Variants in SYT1 observed in about 807,000 individuals in gnomAD.
SYT1 encodes the protein synaptotagmin 1.
Under a neutral mutation model 44.8 loss-of-function variants are expected in SYT1, and 8 were observed. That is an observed-to-expected ratio of 0.18 (90% CI 0.10 to 0.32). SYT1 has a LOEUF of 0.32. Ranked by LOEUF, SYT1 falls within the 10% of genes least tolerant of loss-of-function variation. SYT1 has a pLI of 1.00. For missense variants in SYT1, 286 were observed against 509.3 expected (o/e 0.56, Z 4.22); for synonymous variants, 154 against 188.8 (o/e 0.82, Z 1.51).
chr12:79,009,648 A>G (rs1475372418), intron 2 of SYT1, among the ~76,000 whole-genome samples: 1 of 152,170 alleles, frequency 6.6e-6, no homozygotes, highest in Non-Finnish European at 1.5e-5. Flanking sequence ...CATTGTGCCA[A>G]TATCATCTAG....
chr12:79,060,451 T>A (rs1158722038), intron 3 of SYT1, among the ~76,000 whole-genome samples: 1 of 151,952 alleles, frequency 6.6e-6, no homozygotes, highest in Non-Finnish European at 1.5e-5. Context: ...AAAGTGAAAC[T>A]CCGTACATAT....
intron 9 of SYT1, among the ~76,000 whole-genome samples, chr12:79,440,759 G>C (rs181050796): frequency 2.0e-5 from 3 of 152,252 alleles, no homozygotes; most frequent in African/African-American, 7.2e-5. Context: ...TTTTGTAGGA[G>C]AGGTAATCTT....
chr12:79,156,756 C>T (rs1430223812), intron 3 of SYT1, among the ~76,000 whole-genome samples: 3 of 152,100 alleles, frequency 2.0e-5, no homozygotes, highest in Admixed American at 6.6e-5. Context: ...CGTGAGCCAC[C>T]GCACCTGGCC....
intron 9 of SYT1, among the ~76,000 whole-genome samples, chr12:79,377,199 C>T (rs1245499335): frequency 6.6e-6 from 1 of 152,122 alleles, no homozygotes; most frequent in Non-Finnish European, 1.5e-5. Flanking sequence ...GCAAGCTCTG[C>T]CTCCCAGGTT....
chr12:79,388,353 A>T (rs1032367610), intron 9 of SYT1, among the ~76,000 whole-genome samples: 1 of 152,092 alleles, frequency 6.6e-6, no homozygotes, highest in East Asian at 1.9e-4. Context: ...AAGGGGGAAA[A>T]GTCTGCTAAT....
At chr12:78,981,258 G>A (rs1454295885) in intron 2 of SYT1, among the ~76,000 whole-genome samples, 2 of 151,494 alleles carry the variant, frequency 1.3e-5, no homozygotes, top group African/African-American at 4.9e-5. Flanking sequence ...CTCCTGAGTA[G>A]CTGGGATTAC....
intron 1 of SYT1, among the ~76,000 whole-genome samples, chr12:78,900,266 C>T (rs1875589272): frequency 6.6e-6 from 1 of 152,102 alleles, no homozygotes; most frequent in Admixed American, 6.6e-5. Flanking sequence ...TTGCCAGGCA[C>T]TCTTCTATTA....
At chr12:79,120,377 A>G (rs56102943) in intron 3 of SYT1, among the ~76,000 whole-genome samples, 17,137 of 152,118 alleles carry the variant, frequency 0.11, 1,031 homozygotes, top group African/African-American at 0.13. Context: ...TTCCCATGTA[A>G]CAAATCTGCA....
chr12:79,386,284 A>G (rs1344692701), intron 9 of SYT1, among the ~76,000 whole-genome samples: 1 of 146,308 alleles, frequency 6.8e-6, no homozygotes, highest in Non-Finnish European at 1.5e-5. Flanking sequence ...GAAAATTACC[A>G]GGGTTTTCCC....
chr12:79,450,502 A>G lies in SYT1; in HGVS notation c.*1378A>G, dbSNP rs1870995485. On this transcript the variant is annotated 3_prime_UTR_variant, in exon 11 of 11. Transcript: ENST00000261205. ...TAGGAGGAGTTTTTAAACGTTTTCA[A>G]TGTTATTATGTAGTAAATGACACTA... 1 of 152,568 alleles carries G rather than the reference A, an allele frequency of 6.6e-6. No homozygotes were observed. The highest frequency in any genetic ancestry group is 6.5e-5 in the Admixed American group (1 of 15,268). 9.5% of individuals were successfully genotyped at this position (152,568 alleles called of 1,614,324 possible).
chr12:79,176,405 C>T (rs1396033429), intron 3 of SYT1, among the ~76,000 whole-genome samples: 1 of 151,934 alleles, frequency 6.6e-6, no homozygotes, highest in African/African-American at 2.4e-5. Context: ...GTTACCCAGA[C>T]CGAGTGGCAA....
intron 1 of SYT1, among the ~76,000 whole-genome samples, chr12:78,889,150 G>T (rs375461647): frequency 6.6e-6 from 1 of 151,620 alleles, no homozygotes. Context: ...TTCCTGCTTT[G>T]TCTGGGAATG....
At chr12:78,928,686 GC>G (rs1460953376) in intron 1 of SYT1, among the ~76,000 whole-genome samples, 2 of 152,100 alleles carry the variant, frequency 1.3e-5, no homozygotes. Flanking sequence ...TGAGCAAATA[GC>G]GTGGACAGCT....
At chr12:79,044,660 G>C (rs1383758316) in intron 2 of SYT1, among the ~76,000 whole-genome samples, 401 of 150,154 alleles carry the variant, frequency 2.7e-3, no homozygotes, top group Non-Finnish European at 4.6e-3. Context: ...GCTTTGTTCC[G>C]TTGCTGGTGA....
chr12:79,037,704 G>A (rs1296117868), intron 2 of SYT1, among the ~76,000 whole-genome samples: 1 of 151,692 alleles, frequency 6.6e-6, no homozygotes, highest in Non-Finnish European at 1.5e-5. Flanking sequence ...TCCATATTCT[G>A]AACCATTACC....
At chr12:79,072,637 A>G (rs1876364661) in intron 3 of SYT1, among the ~76,000 whole-genome samples, 1 of 152,146 alleles carries the variant, frequency 6.6e-6, no homozygotes, top group African/African-American at 2.4e-5. Flanking sequence ...CAAATTCCAA[A>G]CTATATGCTA....
chr12:79,148,074 A>G (rs1013697961), intron 3 of SYT1, among the ~76,000 whole-genome samples: 2 of 152,216 alleles, frequency 1.3e-5, no homozygotes, highest in East Asian at 1.9e-4. Context: ...CAAAAAGACA[A>G]AAAGTTTGTG....
intron 3 of SYT1, among the ~76,000 whole-genome samples, chr12:79,047,767 T>C (rs1487785845): frequency 1.3e-5 from 2 of 151,934 alleles, no homozygotes; most frequent in East Asian, 1.9e-4. Flanking sequence ...GGTTTATTTA[T>C]AATCACTAAA....
At chr12:79,383,522 AGT>A (rs1884309725) in intron 9 of SYT1, among the ~76,000 whole-genome samples, 1 of 150,644 alleles carries the variant, frequency 6.6e-6, no homozygotes, top group Non-Finnish European at 1.5e-5. Flanking sequence ...TTAAATAAAA[AGT>A]GGGTTTTTTT....
Sources: allele counts gnomAD v4.1 joint callset (sites outside exome capture counted in the v4.1 genomes callset), GRCh38; gene constraint gnomAD v4.1.1; transcripts MANE v1.5; gene names NCBI Gene and HGNC (gene_info 2026-07-23, HGNC 2026-07-21).